TMEM215: variants seen among roughly 807,000 people sequenced by gnomAD.
TMEM215 encodes transmembrane protein 215.
In TMEM215, 12 loss-of-function variants were observed where a neutral mutation model predicts 14.7. The observed-to-expected ratio is 0.82, with a 90% CI of 0.52 to 1.33. The LOEUF (loss-of-function observed/expected upper bound fraction) is 1.33, where lower values mean the gene tolerates loss of function less well. TMEM215 is among the 40% of genes most tolerant of loss of function. The pLI is 0.00. For synonymous variants in TMEM215, 122 were observed against 124.8 expected, an observed-to-expected ratio of 0.98 and a Z score of 0.15; for missense variants, 276 against 296.2, an observed-to-expected ratio of 0.93 and a Z score of 0.50.
At position 32,787,079 on chromosome 9, in the gene TMEM215, T is replaced by C. The variant is rs1030382923; in HGVS notation, c.*2188T>C. On this transcript the variant is annotated 3_prime_UTR_variant, in exon 2 of 2. Transcript: ENST00000342743. Reference sequence around the variant, plus strand: ...GAGACAGAGAGATGTTCACAGAGACTCAGCAAATCTTAGACAATAATGCTG... The same window carrying C: ...GAGACAGAGAGATGTTCACAGAGACCCAGCAAATCTTAGACAATAATGCTG... 6.0e-6 allele frequency: 1 copy of C among 166,962 alleles called. No homozygotes were observed. Among genetic ancestry groups the C allele is most frequent in the Non-Finnish European group, 1.5e-5 (1 of 68,028 alleles). 10.3% of individuals were successfully genotyped at this position (166,962 alleles called of 1,614,324 possible). A position where few individuals can be genotyped will look rare whatever the true frequency, so the allele number is the denominator to read the frequency against.
intron 1 of TMEM215, 143 bp from the exon 2 acceptor site, chr9:32,783,983 T>G: frequency 1.7e-6 from 1 of 585,614 alleles, no homozygotes; most frequent in South Asian, 2.2e-5. Context: ...GATAGAGAGA[T>G]TGCAAGAGAG....
Position 32,785,476 on chromosome 9 carries a change from GTC to G in TMEM215, c.*587_*588del, listed in dbSNP as rs1210794751. 1 of 167,192 alleles carries G rather than the reference GTC, an allele frequency of 6.0e-6. No individual in the cohort carries two copies. The highest frequency in any genetic ancestry group is 2.4e-5 in the African/African-American group (1 of 41,452). The allele number at this position is 167,192 out of a possible 1,614,324, so 10.4% of individuals were successfully genotyped here. The stretch of plus-strand genomic sequence containing the variant: ...AAAGAGAGTTGGATTATGTAACTGA[GTC>G]TTGTGGCATTATTGTCTGACAAGAT... On this transcript the variant is annotated 3_prime_UTR_variant, in exon 2 of 2. Transcript: ENST00000342743.
In TMEM215 at chr9:32,786,054, G is replaced by T. The variant is rs1396698033; in HGVS notation, c.*1163G>T. On this transcript the variant is annotated 3_prime_UTR_variant, in exon 2 of 2. Coordinates refer to ENST00000342743, the MANE Select transcript of TMEM215 (RefSeq NM_212558.3). ...TCTCTTTATTTCATACATTTTTGCTGCTGAGGAAAACAACAAATCACAATG... is the reference window on the plus strand; with the variant it reads ...TCTCTTTATTTCATACATTTTTGCTTCTGAGGAAAACAACAAATCACAATG... 1 of 166,932 alleles carries T rather than the reference G, an allele frequency of 6.0e-6. No homozygotes were observed. Among genetic ancestry groups the T allele is most frequent in the African/African-American group, 2.4e-5 (1 of 41,440 alleles). 10.3% of individuals were successfully genotyped at this position (166,932 alleles called of 1,614,324 possible). A position where few individuals can be genotyped will look rare whatever the true frequency, so the allele number is the denominator to read the frequency against.
rs1379199662 is a variant in TMEM215 at position 32,784,160 on chromosome 9, C to A, written c.-24C>A. 4 of 1,592,458 alleles carry A rather than the reference C, an allele frequency of 2.5e-6. No individual in the cohort carries two copies. In the African/African-American group the frequency reaches 5.4e-5, roughly 21 times the overall value. On this transcript the variant is annotated 5_prime_UTR_variant, in exon 2 of 2. Coordinates refer to ENST00000342743, the MANE Select transcript of TMEM215 (RefSeq NM_212558.3). ...ACGCTGCTCCCTGGTCAGCAAGCAGCCCCCAACCTGGATGGAGTGAAACAT... is the reference window on the plus strand; with the variant it reads ...ACGCTGCTCCCTGGTCAGCAAGCAGACCCCAACCTGGATGGAGTGAAACAT...
rs769658083 is a variant in TMEM215 at position 32,788,397 on chromosome 9, G to C, written c.*3506G>C. 1.3e-5 allele frequency among the ~76,000 whole-genome samples: 2 copies of C among 152,176 alleles called. No individual in the cohort carries two copies. The highest frequency in any genetic ancestry group is 2.9e-5 in the Non-Finnish European group (2 of 68,014). On this transcript the variant is annotated 3_prime_UTR_variant, in exon 2 of 2. Coordinates refer to ENST00000342743, the MANE Select transcript of TMEM215 (RefSeq NM_212558.3). ...AATGCAGCATACATATTATAATAGT[G>C]TGTTTTTCTTTTCTCTTTGAATTAT... is the stretch of plus-strand genomic sequence containing the variant.
chr9:32,784,768 C>A lies in TMEM215; in HGVS notation c.585C>A (p.Ser195Arg), dbSNP rs781681978. 2 of 1,613,852 alleles carry A rather than the reference C, an allele frequency of 1.2e-6. No individual in the cohort carries two copies. Among genetic ancestry groups the A allele is most frequent in the Admixed American group, 3.3e-5 (2 of 60,004 alleles). The change falls in exon 2 of 2, where the codon AGC becomes AGA. Residue 195 changes from serine (S) to arginine (R), a missense_variant. Physicochemically the swap from Ser to Arg is moderately radical, Grantham distance 110 (BLOSUM62 -1). Coordinates refer to ENST00000342743, the MANE Select transcript of TMEM215 (RefSeq NM_212558.3). ...DRSECPEPED[S>R]IFFVPQDSII... ...CTGAGTGCCCTGAGCCTGAGGATAG[C>A]ATCTTCTTTGTGCCCCAGGACAGTA... is the stretch of plus-strand genomic sequence containing the variant.
rs1325562171 is a variant in TMEM215 at position 32,786,571 on chromosome 9, T to G, written c.*1680T>G. ...GAACTGATTTACACTTGATTATTTC[T>G]ATCATTCATTTTCAGTGTAAATATT... On this transcript the variant is annotated 3_prime_UTR_variant, in exon 2 of 2. Transcript: ENST00000342743. The G allele has an allele frequency of 1.2e-5, 2 of 167,002 alleles. No individual in the cohort carries two copies. Among genetic ancestry groups the G allele is most frequent in the African/African-American group, 4.8e-5 (2 of 41,466 alleles). The allele number at this position is 167,002 out of a possible 1,614,324, so 10.3% of individuals were successfully genotyped here.
rs2118244875 is a variant in TMEM215, at chr9:32,786,496, G to A, written c.*1605G>A. On this transcript the variant is annotated 3_prime_UTR_variant, in exon 2 of 2. Transcript: ENST00000342743. ...TCAGAAATGAGATGCATGATCTTGG[G>A]CAAATTTTATCTTCTTACACCTGAG... The A allele has an allele frequency of 6.0e-6, 1 of 166,922 alleles. No homozygotes were observed. Among genetic ancestry groups the A allele is most frequent in the South Asian group, 2.1e-4 (1 of 4,824 alleles). 10.3% of individuals were successfully genotyped at this position (166,922 alleles called of 1,614,324 possible).
Position 32,784,717 on chromosome 9 carries a change from C to G in TMEM215, c.534C>G (p.Asp178Glu), listed in dbSNP as rs767661433. The change falls in exon 2 of 2, where the codon GAC becomes GAG. Residue 178 changes from aspartate (D) to glutamate (E), a missense_variant. Asp to Glu is a conservative substitution (Grantham distance 45). Transcript: ENST00000342743. The stretch of plus-strand genomic sequence containing the variant: ...GTTCCCTCACCTACAGTGCCTTGGA[C>G]GTCAAGTGCTCAGCAAGGGACAGAT... ...SGSSLTYSAL[D>E]VKCSARDRSE... The G allele has an allele frequency of 1.2e-6, 2 of 1,614,094 alleles. No homozygotes were observed. Among genetic ancestry groups the G allele is most frequent in the South Asian group, 2.2e-5 (2 of 91,078 alleles).
rs1021081928 is a variant in TMEM215 at position 32,786,381 on chromosome 9, T to A, written c.*1490T>A. On this transcript the variant is annotated 3_prime_UTR_variant, in exon 2 of 2. Coordinates refer to ENST00000342743, the MANE Select transcript of TMEM215 (RefSeq NM_212558.3). Reference sequence around the variant, plus strand: ...TTTCTTAAGTATAGCAATTGTTCTGTCTTAAGAATCATGGTATTTTTAAAA... The same window carrying A: ...TTTCTTAAGTATAGCAATTGTTCTGACTTAAGAATCATGGTATTTTTAAAA... 2 of 167,030 alleles carry A rather than the reference T, an allele frequency of 1.2e-5. No individual in the cohort carries two copies. The highest frequency in any genetic ancestry group is 4.8e-5 in the African/African-American group (2 of 41,458). The allele number at this position is 167,030 out of a possible 1,614,324, so 10.3% of individuals were successfully genotyped here.
In TMEM215 at chr9:32,788,810, T is replaced by C. The variant is rs1266662821; in HGVS notation, c.*3919T>C. Reference sequence around the variant, plus strand: ...CCTCCCATCAGGACCAGAACTAGTATGTTTAGGAGTAAGATGGAACATTTC... The same window carrying C: ...CCTCCCATCAGGACCAGAACTAGTACGTTTAGGAGTAAGATGGAACATTTC... On this transcript the variant is annotated 3_prime_UTR_variant, in exon 2 of 2. Coordinates refer to ENST00000342743, the MANE Select transcript of TMEM215 (RefSeq NM_212558.3). Among the ~76,000 whole-genome samples the C allele has an allele frequency of 1.3e-5, 2 of 152,222 alleles. No homozygotes were observed. Among genetic ancestry groups the C allele is most frequent in the Non-Finnish European group, 2.9e-5 (2 of 68,032 alleles).
Position 32,784,851 on chromosome 9 carries a change from A to G in TMEM215, c.668A>G (p.Asn223Ser). 6.2e-7 allele frequency: 1 copy of G among 1,613,120 alleles called. No homozygotes were observed. The change falls in exon 2 of 2, where the codon AAT becomes AGT. Residue 223 changes from asparagine (N) to serine (S), a missense_variant. Physicochemically the swap from Asn to Ser is conservative, Grantham distance 46. Coordinates refer to ENST00000342743, the MANE Select transcript of TMEM215 (RefSeq NM_212558.3). ...TATGACAGATACTGTTGTTATATCA[A>G]TCAGATACAAGGCAGGTGGGACCAC... ...SPYDRYCCYI[N>S]QIQGRWDHET... is the part of the protein sequence containing the mutation.
chr9:32,783,546 A>G lies in TMEM215; in HGVS notation c.-318A>G, dbSNP rs1259579707. Reference sequence around the variant, plus strand: ...GCCGCGTCCCCTCTTTCCCAGACTCAGTGCTCCCTCCTCCTCCCGCGCCCC... The same window carrying G: ...GCCGCGTCCCCTCTTTCCCAGACTCGGTGCTCCCTCCTCCTCCCGCGCCCC... On this transcript the variant is annotated 5_prime_UTR_variant, in exon 1 of 2. Transcript: ENST00000342743. The G allele has an allele frequency of 2.6e-5, 4 of 153,184 alleles. No homozygotes were observed. The highest frequency in any genetic ancestry group is 4.4e-5 in the Non-Finnish European group (3 of 68,896). The allele number at this position is 153,184 out of a possible 1,614,324, so 9.5% of individuals were successfully genotyped here.
Position 32,783,679 on chromosome 9 carries a change from C to G in TMEM215, c.-185C>G, listed in dbSNP as rs1267489580. The G allele has an allele frequency of 6.5e-6, 1 of 154,794 alleles. No individual in the cohort carries two copies. Among genetic ancestry groups the G allele is most frequent in the Non-Finnish European group, 1.4e-5 (1 of 69,958 alleles). 9.6% of individuals were successfully genotyped at this position (154,794 alleles called of 1,614,324 possible). A position where few individuals can be genotyped will look rare whatever the true frequency, so the allele number is the denominator to read the frequency against. On this transcript the variant is annotated 5_prime_UTR_variant, in exon 1 of 2. Coordinates refer to ENST00000342743, the MANE Select transcript of TMEM215 (RefSeq NM_212558.3). ...AGGTTCCACCTCCCCGATGCAGAGT[C>G]CGTGGGGGAAACCAGGCTTTCCTCC... is the stretch of plus-strand genomic sequence containing the variant.
chr9:32,783,933 T>G, intron 1 of TMEM215, 128 bp downstream of exon 1: 2 of 470,318 alleles, frequency 4.3e-6, no homozygotes, highest in Non-Finnish European at 7.4e-6. Flanking sequence ...AGAGTAGAAA[T>G]AGAAACAGGG....
Position 32,786,790 on chromosome 9 carries a change from A to T in TMEM215, c.*1899A>T, listed in dbSNP as rs983601439. ...TCCTGAGAATAAAATGAACATAATCAGAGTAAAATATTTTTGAGGAGAAAA... is the reference window on the plus strand; with the variant it reads ...TCCTGAGAATAAAATGAACATAATCTGAGTAAAATATTTTTGAGGAGAAAA... On this transcript the variant is annotated 3_prime_UTR_variant, in exon 2 of 2. Transcript: ENST00000342743. 1.2e-5 allele frequency: 2 copies of T among 167,050 alleles called. No individual in the cohort carries two copies. The highest frequency in any genetic ancestry group is 1.3e-4 in the Admixed American group (2 of 15,286). The allele number at this position is 167,050 out of a possible 1,614,324, so 10.3% of individuals were successfully genotyped here.
chr9:32,784,464 T>G lies in TMEM215; in HGVS notation c.281T>G (p.Leu94Arg). 1.2e-6 allele frequency: 2 copies of G among 1,614,056 alleles called. No homozygotes were observed. The highest frequency in any genetic ancestry group is 1.7e-6 in the Non-Finnish European group (2 of 1,180,014). ...RKPKDKEVVE[L>R]LRTPSDLESG... is the part of the protein sequence containing the mutation. ...CCCAAAGACAAGGAGGTGGTAGAGC[T>G]GCTGAGGACCCCTTCAGACCTAGAA... is the stretch of plus-strand genomic sequence containing the variant. The change falls in exon 2 of 2, where the codon CTG becomes CGG. Residue 94 changes from leucine to arginine, a missense_variant. Leu to Arg is a moderately radical substitution (Grantham distance 102). Coordinates refer to ENST00000342743, the MANE Select transcript of TMEM215 (RefSeq NM_212558.3).
chr9:32,784,683 C>T lies in TMEM215; in HGVS notation c.500C>T (p.Pro167Leu), dbSNP rs935611730. 2 of 1,613,986 alleles carry T rather than the reference C, an allele frequency of 1.2e-6. No homozygotes were observed. The highest frequency in any genetic ancestry group is 3.3e-5 in the Admixed American group (2 of 60,008). ...ETSRYLDGYC[P>L]SGSSLTYSAL... ...TCCAGATACCTGGACGGCTACTGCC[C>T]CTCGGGCAGTTCCCTCACCTACAGT... The change falls in exon 2 of 2, where the codon CCC becomes CTC. Residue 167 changes from proline to leucine, a missense_variant. Transcript: ENST00000342743.
Position 32,784,692 on chromosome 9 carries a change from G to A in TMEM215, c.509G>A (p.Ser170Asn), listed in dbSNP as rs762878463. The A allele has an allele frequency of 4.3e-6, 7 of 1,614,028 alleles. No individual in the cohort carries two copies. Among genetic ancestry groups the A allele is most frequent in the Non-Finnish European group, 5.9e-6 (7 of 1,180,036 alleles). Residue 170 changes from serine (S) to asparagine (N), a missense_variant, in exon 2 of 2, where the codon AGT becomes AAT. Physicochemically the swap from Ser to Asn is conservative, Grantham distance 46. Coordinates refer to ENST00000342743, the MANE Select transcript of TMEM215 (RefSeq NM_212558.3). ...CTGGACGGCTACTGCCCCTCGGGCA[G>A]TTCCCTCACCTACAGTGCCTTGGAC... ...RYLDGYCPSG[S>N]SLTYSALDVK... is the part of the protein sequence containing the mutation.
Sources: gnomAD v4.1 joint callset for allele counts (sites outside exome capture counted in the v4.1 genomes callset) on GRCh38, gnomAD v4.1.1 for gene constraint, MANE v1.5 for transcripts, NCBI Gene and HGNC (gene_info 2026-07-23, HGNC 2026-07-21) for gene names.